TNXB: variants seen among roughly 807,000 people sequenced by gnomAD.
The protein encoded by TNXB is tenascin XB, also known as tenascin-X.
TNXB carries 183 observed loss-of-function variants against 340.5 expected under a neutral mutation model. The ratio of observed to expected loss-of-function variants is 0.54; its 90% CI spans 0.48 to 0.61. The LOEUF (loss-of-function observed/expected upper bound fraction) is 0.61, where lower values mean the gene tolerates loss of function less well. Among genes scored for constraint, TNXB ranks in the 20% least tolerant of loss-of-function variants. TNXB has a pLI of 0.00. For missense variants in TNXB, 4,613 were observed against 5,446.4 expected, an observed-to-expected ratio of 0.85 and a Z score of 4.82; for synonymous variants, 2,121 against 2,314.5, an observed-to-expected ratio of 0.92 and a Z score of 2.40.
In TNXB at chr6:32,083,119, T is replaced by C. The variant is rs753906482; in HGVS notation, c.3446-793A>G. ...GTGGCCTTGCCATTGCTAAATTCTG[T>C]GGACGCTCCGTAGCCCTTGAATCAC... On this transcript the variant is annotated intron_variant, in intron 8 of 43. Coordinates refer to ENST00000644971, the MANE Select transcript of TNXB (RefSeq NM_001365276.2). The surrounding 1 kb of genome is among the most constrained non-coding windows in gnomAD (Gnocchi z 4.6). Among the ~76,000 whole-genome samples the C allele has an allele frequency of 6.6e-6, 1 of 152,160 alleles. No individual in the cohort carries two copies. Among genetic ancestry groups the C allele is most frequent in the Non-Finnish European group, 1.5e-5 (1 of 68,044 alleles).
Position 32,069,604 on chromosome 6 carries a change from C to T in TNXB, c.5536G>A (p.Gly1846Arg), listed in dbSNP as rs755081622. 15 of 1,604,532 alleles carry T rather than the reference C, an allele frequency of 9.3e-6. No homozygotes were observed. Among genetic ancestry groups the T allele is most frequent in the Non-Finnish European group, 1.0e-5 (12 of 1,174,140 alleles). Residue 1846 changes from glycine (G) to arginine (R), a missense_variant, in exon 15 of 44, where the codon GGG (glycine) becomes AGG (arginine). By Grantham distance (125) the Gly-to-Arg change is moderately radical (BLOSUM62 -2). Transcript: ENST00000644971. The surrounding 1 kb of genome is among the most constrained non-coding windows in gnomAD (Gnocchi z 6.2). ...PAHRYKLLLYGLHHGKRVGPI... is the reference protein window; with the variant it reads ...PAHRYKLLLYRLHHGKRVGPI... ...CCCACACGCTTGCCGTGGTGCAGCC[C>T]GTAGAGCAGCAGCTTGTACCTGTGG... is the stretch of plus-strand genomic sequence containing the variant.
At position 32,062,516 on chromosome 6, in the gene TNXB, T is replaced by G; in HGVS notation, c.6842-33A>C. 1.9e-6 allele frequency: 3 copies of G among 1,544,360 alleles called. No homozygotes were observed. The highest frequency in any genetic ancestry group is 2.6e-6 in the Non-Finnish European group (3 of 1,141,380). On this transcript the variant is annotated intron_variant, in intron 19 of 43. Coordinates refer to ENST00000644971, the MANE Select transcript of TNXB (RefSeq NM_001365276.2). The surrounding 1 kb of genome is among the most constrained non-coding windows in gnomAD (Gnocchi z 4.3). ...AGAAAATAGAATGGGTGGGCATGCC[T>G]GGTGGGCCTCCTTTTAACCAAGGGA...
chr6:32,056,782 C>G lies in TNXB; in HGVS notation c.7947G>C (p.Thr2649=). 1 of 1,613,320 alleles carries G rather than the reference C, an allele frequency of 6.2e-7. No homozygotes were observed. Among genetic ancestry groups the G allele is most frequent in the Non-Finnish European group, 8.5e-7 (1 of 1,179,862 alleles). The change falls in exon 23 of 44, where the codon ACG becomes ACC. Residue 2649 remains threonine (T), a synonymous_variant. Transcript: ENST00000644971. ...ATPDSLSLSW[T]VPEGQFDHFL... The stretch of plus-strand genomic sequence containing the variant: ...AGTGGTCAAACTGGCCCTCGGGAAC[C>G]GTCCAGGACAGGCTGAGGGAGTCAG...
In TNXB at chr6:32,085,931, G is replaced by A. The variant is rs750013172; in HGVS notation, c.2967C>T (p.Ala989=). ...GCACCCGCATGCGCAGTTGGAAGTAGGCAAAGGTGTCAGGCTGGGCGGTCC... is the reference window on the plus strand; with the variant it reads ...GCACCCGCATGCGCAGTTGGAAGTAAGCAAAGGTGTCAGGCTGGGCGGTCC... ...VVWTAQPDTF[A]YFQLRMRVPE... Residue 989 remains alanine, a synonymous_variant, in exon 7 of 44, where the codon GCC becomes GCT. Transcript: ENST00000644971. This position sits in a 1 kb window ranked among gnomAD's most constrained non-coding sequence, Gnocchi z 6.4. 1.9e-6 allele frequency: 3 copies of A among 1,608,476 alleles called. No individual in the cohort carries two copies. Among genetic ancestry groups the A allele is most frequent in the Admixed American group, 1.7e-5 (1 of 60,000 alleles).
Position 32,085,892 on chromosome 6 carries a change from C to T in TNXB, c.3006G>A (p.Gly1002=). Reference sequence around the variant, plus strand: ...CCCCTGGCAGCACTTCCTCATGTGCCCCCGGCCCCTCGGGCACCCGCATGC... The same window carrying T: ...CCCCTGGCAGCACTTCCTCATGTGCTCCCGGCCCCTCGGGCACCCGCATGC... ...QLRMRVPEGP[G]AHEEVLPGDV... Residue 1002 remains glycine, a synonymous_variant, in exon 7 of 44, where the codon GGG becomes GGA. Coordinates refer to ENST00000644971, the MANE Select transcript of TNXB (RefSeq NM_001365276.2). This position sits in a 1 kb window ranked among gnomAD's most constrained non-coding sequence, Gnocchi z 6.4. 1 of 1,608,338 alleles carries T rather than the reference C, an allele frequency of 6.2e-7. No individual in the cohort carries two copies. The highest frequency in any genetic ancestry group is 8.5e-7 in the Non-Finnish European group (1 of 1,178,692).
rs1426757098 is a variant in TNXB at position 32,068,567 on chromosome 6, C to T, written c.6043G>A (p.Asp2015Asn). The part of the protein sequence containing the change: ...LSWTVPEGQF[D>N]HFLVQYRNGD... Reference sequence around the variant, plus strand: ...TTCCTGTACTGGACCAGGAAGTGGTCAAACTGTCCCTCGGGAACTGTCCAG... The same window carrying T: ...TTCCTGTACTGGACCAGGAAGTGGTTAAACTGTCCCTCGGGAACTGTCCAG... The change falls in exon 17 of 44, where the codon GAC (aspartate) becomes AAC (asparagine). Residue 2015 changes from aspartate (D) to asparagine (N), a missense_variant. Physicochemically the swap from Asp to Asn is conservative, Grantham distance 23. Transcript: ENST00000644971. The surrounding 1 kb of genome is among the most constrained non-coding windows in gnomAD (Gnocchi z 5.3). 6.2e-7 allele frequency: 1 copy of T among 1,614,014 alleles called. No homozygotes were observed. Among genetic ancestry groups the T allele is most frequent in the Non-Finnish European group, 8.5e-7 (1 of 1,179,908 alleles).
At position 32,093,470 on chromosome 6, in the gene TNXB, T is replaced by G. The variant is rs1045190145; in HGVS notation, c.2358+1606A>C. ...TAGGGGGCTGGCCTGAGGAGCATAATGACAAGACAAAGCAAAGTGGAGTGA... is the reference window on the plus strand; with the variant it reads ...TAGGGGGCTGGCCTGAGGAGCATAAGGACAAGACAAAGCAAAGTGGAGTGA... On this transcript the variant is annotated intron_variant, in intron 4 of 43. Coordinates refer to ENST00000644971, the MANE Select transcript of TNXB (RefSeq NM_001365276.2). 3 of 681,664 alleles carry G rather than the reference T, an allele frequency of 4.4e-6. No individual in the cohort carries two copies. In the East Asian group the frequency reaches 8.2e-5, roughly 19 times the overall value. 42.2% of individuals were successfully genotyped at this position (681,664 alleles called of 1,614,324 possible).
At chr6:32,094,480 G>A (rs1780225372) in intron 4 of TNXB, among the ~76,000 whole-genome samples, 1 of 152,194 alleles carries the variant, frequency 6.6e-6, no homozygotes, top group South Asian at 2.1e-4. Context: ...CTATACGCCA[G>A]CTCTGAGAAA....
intron 6 of TNXB, among the ~76,000 whole-genome samples, chr6:32,086,353 A>T (rs1779774890): frequency 1.3e-5 from 2 of 152,118 alleles, no homozygotes; most frequent in Admixed American, 1.3e-4. Flanking sequence ...GGTAAAATAA[A>T]GCCTGCTATC....
chr6:32,103,610 A>G (rs922035600), intron 1 of TNXB, among the ~76,000 whole-genome samples: 1 of 151,940 alleles, frequency 6.6e-6, no homozygotes, highest in Non-Finnish European at 1.5e-5. Flanking sequence ...CAACCCACCA[A>G]ACAGCTCCCT....
chr6:32,068,578 T>C lies in TNXB; in HGVS notation c.6032A>G (p.Glu2011Gly). 2 of 1,613,954 alleles carry C rather than the reference T, an allele frequency of 1.2e-6. No homozygotes were observed. ...DSLSLSWTVPEGQFDHFLVQY... is the reference protein window; with the variant it reads ...DSLSLSWTVPGGQFDHFLVQY... ...GACCAGGAAGTGGTCAAACTGTCCC[T>C]CGGGAACTGTCCAGGACAGGCTGAG... The change falls in exon 17 of 44, where the codon GAG (glutamate) becomes GGG (glycine). Residue 2011 changes from glutamate to glycine, a missense_variant. Transcript: ENST00000644971. The surrounding 1 kb of genome is among the most constrained non-coding windows in gnomAD (Gnocchi z 5.3).
rs760099672 is a variant in TNXB, at chr6:32,050,103, C to G, written c.9334G>C (p.Gly3112Arg). ...GGCTCCAGGCCTGAGATGGTGACCC[C>G]GTCCTCGTGCCCCGGCACCCGCACC... ...KAVRVPGHED[G>R]VTISGLEPDH... The change falls in exon 27 of 44, where the codon GGG becomes CGG. Residue 3112 changes from glycine to arginine, a missense_variant. Around this residue, in one of 7 missense-constraint regions of TNXB, gnomAD observed 4,327 missense variants for 4,859.4 expected, o/e 0.89. Transcript: ENST00000644971. 1.2e-6 allele frequency: 2 copies of G among 1,613,758 alleles called. No homozygotes were observed. The highest frequency in any genetic ancestry group is 2.2e-5 in the South Asian group (2 of 91,090).
chr6:32,098,118 A>C lies in TNXB; in HGVS notation c.81T>G (p.Ser27=). Residue 27 remains serine (S), a synonymous_variant, in exon 2 of 44, where the codon TCT becomes TCG. Coordinates refer to ENST00000644971, the MANE Select transcript of TNXB (RefSeq NM_001365276.2). ...LLSTARAGPF[S]SRSNVTLPAP... ...CTGGCAGTGTCACATTGGACCGTGAAGAGAAGGGGCCTGCTCTGGCTGTGC... is the reference window on the plus strand; with the variant it reads ...CTGGCAGTGTCACATTGGACCGTGACGAGAAGGGGCCTGCTCTGGCTGTGC... 1.3e-6 allele frequency: 2 copies of C among 1,599,542 alleles called. No individual in the cohort carries two copies. The highest frequency in any genetic ancestry group is 2.7e-5 in the African/African-American group (2 of 74,846).
chr6:32,065,417 T>C (rs371974743), intron 18 of TNXB, among the ~76,000 whole-genome samples: 1 of 152,272 alleles, frequency 6.6e-6, no homozygotes, highest in East Asian at 1.9e-4. Flanking sequence ...CCTTCTTCTG[T>C]GGGCCTTCCC....
rs1320158407 is a variant in TNXB at position 32,072,369 on chromosome 6, A to AG, written c.4682-72dup. 54 of 1,351,938 alleles carry AG rather than the reference A, an allele frequency of 4.0e-5. No individual in the cohort carries two copies. The highest frequency in any genetic ancestry group is 4.3e-5 in the Non-Finnish European group (43 of 1,007,340). 83.7% of individuals were successfully genotyped at this position (1,351,938 alleles called of 1,614,324 possible). A position where few individuals can be genotyped will look rare whatever the true frequency, so the allele number is the denominator to read the frequency against. On this transcript the variant is annotated intron_variant, in intron 12 of 43. Coordinates refer to ENST00000644971, the MANE Select transcript of TNXB (RefSeq NM_001365276.2). This position sits in a 1 kb window ranked among gnomAD's most constrained non-coding sequence, Gnocchi z 4.4. Reference sequence around the variant, plus strand: ...AGAACCCCTGGGCTTTGAGGGCCTCAGGGGGGCTGTGAACTGAGATGGGGA... The same window carrying AG: ...AGAACCCCTGGGCTTTGAGGGCCTCAGGGGGGGCTGTGAACTGAGATGGGGA...
At position 32,056,816 on chromosome 6, in the gene TNXB, T is replaced by A; in HGVS notation, c.7913A>T (p.Asp2638Val). The change falls in exon 23 of 44, where the codon GAT becomes GTT. Residue 2638 changes from aspartate (D) to valine (V), a missense_variant. Asp to Val is a radical substitution (Grantham distance 152). Coordinates refer to ENST00000644971, the MANE Select transcript of TNXB (RefSeq NM_001365276.2). ...CAGGCTGAGGGAGTCAGGGGTGGCATCTGTCATGGTCAGCTCCCCCAGGCG... is the reference window on the plus strand; with the variant it reads ...CAGGCTGAGGGAGTCAGGGGTGGCAACTGTCATGGTCAGCTCCCCCAGGCG... The part of the protein sequence containing the change: ...KPRLGELTMT[D>V]ATPDSLSLSW... The A allele has an allele frequency of 6.2e-7, 1 of 1,612,996 alleles. No individual in the cohort carries two copies.
At chr6:32,071,151 A>C (rs1778748052) in intron 13 of TNXB, among the ~76,000 whole-genome samples, 2 of 152,182 alleles carry the variant, frequency 1.3e-5, no homozygotes, top group Non-Finnish European at 2.9e-5. Flanking sequence ...GGGAGCCCCC[A>C]GGGGCAGGGG....
rs1451771052 is a variant in TNXB, at chr6:32,069,479, G to A, written c.5587+74C>T. The A allele has an allele frequency of 6.8e-7, 1 of 1,461,124 alleles. No homozygotes were observed. Among genetic ancestry groups the A allele is most frequent in the African/African-American group, 1.4e-5 (1 of 70,786 alleles). 90.5% of individuals were successfully genotyped at this position (1,461,124 alleles called of 1,614,324 possible). A position where few individuals can be genotyped will look rare whatever the true frequency, so the allele number is the denominator to read the frequency against. On this transcript the variant is annotated intron_variant, in intron 15 of 43. Coordinates refer to ENST00000644971, the MANE Select transcript of TNXB (RefSeq NM_001365276.2). This position sits in a 1 kb window ranked among gnomAD's most constrained non-coding sequence, Gnocchi z 6.2. ...AATGATATAAAATGGGAAGCTCAGA[G>A]ATCTTATGGCTCAGTCAGACCAGGA...
rs942438835 is a variant in TNXB at position 32,088,826 on chromosome 6, C to T, written c.2738G>A (p.Gly913Asp). ...AGAAGCTGGGTAGCTGACTGCCCGG[C>T]CCCGCTCCGCTGTGACAGTCACCAC... ...EYVVTVTAER[G>D]RAVSYPASVR... is the part of the protein sequence containing the mutation. The change falls in exon 6 of 44, where the codon GGC (glycine) becomes GAC (aspartate). Residue 913 changes from glycine (G) to aspartate (D), a missense_variant. Around this residue, in one of 7 missense-constraint regions of TNXB, gnomAD observed 4,327 missense variants for 4,859.4 expected, o/e 0.89. Transcript: ENST00000644971. 31 of 1,580,642 alleles carry T rather than the reference C, an allele frequency of 2.0e-5. No homozygotes were observed. The highest frequency in any genetic ancestry group is 1.9e-4 in the African/African-American group (14 of 74,450).
Sources: gnomAD v4.1 joint callset for allele counts (sites outside exome capture counted in the v4.1 genomes callset) on GRCh38, gnomAD v4.1.1 for gene constraint, gnomAD v4.1.1 regional missense constraint, Gnocchi (gnomAD v3.1) non-coding constraint, MANE v1.5 for transcripts, NCBI Gene and HGNC (gene_info 2026-07-23, HGNC 2026-07-21) for gene names.